The following SLIT2 variants were observed in gnomAD, a reference collection of about 807,000 sequenced individuals.
SLIT2 encodes the protein slit guidance ligand 2.
A neutral mutation model predicts 185.7 loss-of-function variants in SLIT2; 41 were observed. The observed-to-expected ratio is 0.22, with a 90% CI of 0.17 to 0.29. The LOEUF is 0.29. Ranked by LOEUF, SLIT2 falls within the 10% of genes least tolerant of loss-of-function variation. The pLI is 1.00. For missense variants in SLIT2, 1,571 were observed against 1,909.0 expected, an observed-to-expected ratio of 0.82 and a Z score of 3.30; for synonymous variants, 693 against 680.2, an observed-to-expected ratio of 1.02 and a Z score of -0.29.
intron 29 of SLIT2, among the ~76,000 whole-genome samples, chr4:20,570,731 G>GTATATATATATATA (rs55841917): frequency 7.2e-5 from 9 of 125,542 alleles, no homozygotes; most frequent in African/African-American, 8.9e-5. Flanking sequence ...ATATATATAT[G>GTATATATATATATA]TATATATATA....
chr4:20,518,286 T>C (rs1720445145), intron 11 of SLIT2, among the ~76,000 whole-genome samples: 1 of 139,336 alleles, frequency 7.2e-6, no homozygotes. Flanking sequence ...AGAGTCTCGC[T>C]CTGTCGCCCA....
At position 20,524,190 on chromosome 4, in the gene SLIT2, C is replaced by G. The variant is rs184108074; in HGVS notation, c.1438+13C>G. 1.2e-5 allele frequency: 20 copies of G among 1,612,918 alleles called. No homozygotes were observed. The highest frequency in any genetic ancestry group is 1.7e-5 in the Admixed American group (1 of 59,956). Reference sequence around the variant, plus strand: ...TTCCGTTGTTCAGGTAATTTCTTCACGTGTTATTTCCCCTGTGACCAACAA... The same window carrying G: ...TTCCGTTGTTCAGGTAATTTCTTCAGGTGTTATTTCCCCTGTGACCAACAA... On this transcript the variant is annotated intron_variant, in intron 14 of 36. Coordinates refer to ENST00000504154, the MANE Select transcript of SLIT2 (RefSeq NM_004787.4).
Position 20,254,338 on chromosome 4 carries a change from G to A in SLIT2, c.179+344G>A, listed in dbSNP as rs1711528468. 6.6e-6 allele frequency among the ~76,000 whole-genome samples: 1 copy of A among 152,204 alleles called. No individual in the cohort carries two copies. Among genetic ancestry groups the A allele is most frequent in the Non-Finnish European group, 1.5e-5 (1 of 68,044 alleles). On this transcript the variant is annotated intron_variant, in intron 1 of 36. Coordinates refer to ENST00000504154, the MANE Select transcript of SLIT2 (RefSeq NM_004787.4). This position sits in a 1 kb window ranked among gnomAD's most constrained non-coding sequence, Gnocchi z 5.1. ...AAGTGAGACGCCACTTTGTTCTCCAGAGTCCATAAACGGAGTCACCTTGCG... is the reference window on the plus strand; with the variant it reads ...AAGTGAGACGCCACTTTGTTCTCCAAAGTCCATAAACGGAGTCACCTTGCG...
At chr4:20,382,641 C>T (rs6836592) in intron 4 of SLIT2, among the ~76,000 whole-genome samples, 32,732 of 151,810 alleles carry the variant, frequency 0.22, 3,820 homozygotes, top group Non-Finnish European at 0.28. Context: ...AGCATTGCTG[C>T]GAAAGGTTAG....
At position 20,613,581 on chromosome 4, in the gene SLIT2, A is replaced by C. The variant is rs549177234; in HGVS notation, c.3848-3329A>C. Among the ~76,000 whole-genome samples, 331 of 152,250 alleles carry C rather than the reference A, an allele frequency of 2.2e-3. 3 individuals are homozygous for C. The highest frequency in any genetic ancestry group is 7.7e-3 in the African/African-American group (321 of 41,544). ...ATTAAGCTTAATTCCTGGGTGCTGA[A>C]ATAGTCCGTACAACAAACCCCTCGT... is the stretch of plus-strand genomic sequence containing the variant. On this transcript the variant is annotated intron_variant, in intron 34 of 36. Coordinates refer to ENST00000504154, the MANE Select transcript of SLIT2 (RefSeq NM_004787.4).
chr4:20,593,436 T>C (rs958868173), intron 30 of SLIT2, among the ~76,000 whole-genome samples: 5 of 152,032 alleles, frequency 3.3e-5, no homozygotes, highest in Non-Finnish European at 5.9e-5. Context: ...GTCAAACTTA[T>C]AGAAAAAGAG....
chr4:20,469,751 C>CTTT lies in SLIT2; in HGVS notation c.467+1948_467+1950dup, dbSNP rs33912349. ...CAGCTTCATTAAGCCTTAGTTTTTA[C>CTTT]TTTTTTTTTTTTTTTTTTTTTTGAG... On this transcript the variant is annotated intron_variant, in intron 5 of 36. Transcript: ENST00000504154. Among the ~76,000 whole-genome samples the CTTT allele has an allele frequency of 4.0e-3, 364 of 90,726 alleles. 1 individual carries two copies. Among genetic ancestry groups the CTTT allele is most frequent in the Non-Finnish European group, 5.4e-3 (264 of 48,564 alleles). 59.5% of individuals were successfully genotyped at this position (90,726 alleles called of 152,430 possible). A position where few individuals can be genotyped will look rare whatever the true frequency, so the allele number is the denominator to read the frequency against.
intron 4 of SLIT2, among the ~76,000 whole-genome samples, chr4:20,347,377 C>CT (rs948757830): frequency 5.9e-5 from 9 of 151,998 alleles, no homozygotes; most frequent in Admixed American, 4.6e-4. Context: ...AGACTGAATT[C>CT]TTTTTTTTAT....
At chr4:20,412,375 A>G (rs1194052930) in intron 4 of SLIT2, among the ~76,000 whole-genome samples, 1 of 152,200 alleles carries the variant, frequency 6.6e-6, no homozygotes, top group Non-Finnish European at 1.5e-5. Context: ...AGTGTAGTTT[A>G]GTGTAAATTA....
chr4:20,371,613 T>C lies in SLIT2; in HGVS notation c.396-96139T>C, dbSNP rs75044073. On this transcript the variant is annotated intron_variant, in intron 4 of 36. Transcript: ENST00000504154. ...CAGGCTTCCTGTGCCTAAGTTCCCA[T>C]TGCAGCTCATGCAGACTGCATTTTG... Among the ~76,000 whole-genome samples the C allele has an allele frequency of 2.5e-4, 38 of 152,180 alleles. No individual in the cohort carries two copies. The East Asian group carries it at 7.2e-3, about 29-fold the overall frequency.
intron 4 of SLIT2, among the ~76,000 whole-genome samples, chr4:20,338,957 G>A (rs902359470): frequency 6.6e-6 from 1 of 151,920 alleles, no homozygotes; most frequent in East Asian, 1.9e-4. Context: ...GGTAGGCATG[G>A]TGGCGTGTGC....
intron 4 of SLIT2, among the ~76,000 whole-genome samples, chr4:20,280,201 C>T (rs546762670): frequency 7.9e-5 from 12 of 151,822 alleles, no homozygotes; most frequent in South Asian, 4.2e-4. Context: ...GGCGTGGTGG[C>T]GGGCGCCTGT....
rs555394897 is a variant in SLIT2 at position 20,449,128 on chromosome 4, C to T, written c.396-18624C>T. Among the ~76,000 whole-genome samples the T allele has an allele frequency of 5.3e-4, 81 of 152,092 alleles. No homozygotes were observed. The South Asian group carries it at 0.015, about 27-fold the overall frequency. The stretch of plus-strand genomic sequence containing the variant: ...TAATTATACTACTACCAATTAAAAA[C>T]AATTAAATCAATTGTTTTCAATTAA... On this transcript the variant is annotated intron_variant, in intron 4 of 36. Coordinates refer to ENST00000504154, the MANE Select transcript of SLIT2 (RefSeq NM_004787.4).
At chr4:20,344,292 A>T (rs1270810885) in intron 4 of SLIT2, among the ~76,000 whole-genome samples, 4 of 152,306 alleles carry the variant, frequency 2.6e-5, no homozygotes, top group Non-Finnish European at 5.9e-5. Flanking sequence ...AAGTGCTATA[A>T]AGAGAAAATG....
intron 11 of SLIT2, among the ~76,000 whole-genome samples, chr4:20,511,588 T>TTTTTTTTTTTTATTTA (rs1577821929): frequency 2.0e-5 from 1 of 50,484 alleles, no homozygotes; most frequent in East Asian, 1.1e-3. Flanking sequence ...ATCCAGCTAA[T>TTTTTTTTTTTTATTTA]TTTTTTTTTT....
chr4:20,412,278 C>G (rs1031225134), intron 4 of SLIT2, among the ~76,000 whole-genome samples: 2 of 149,120 alleles, frequency 1.3e-5, no homozygotes, highest in Non-Finnish European at 3.0e-5. Flanking sequence ...ACTCTTGATT[C>G]TCACCTCTAC....
chr4:20,355,322 G>A (rs1722231292), intron 4 of SLIT2, among the ~76,000 whole-genome samples: 2 of 152,072 alleles, frequency 1.3e-5, no homozygotes, highest in South Asian at 4.1e-4. Context: ...TTCTATTACT[G>A]CAGAGCCATT....
intron 4 of SLIT2, among the ~76,000 whole-genome samples, chr4:20,366,859 A>G (rs939504736): frequency 6.6e-6 from 1 of 152,014 alleles, no homozygotes; most frequent in Non-Finnish European, 1.5e-5. Flanking sequence ...GTGCAGTGCT[A>G]TGATCGCAGC....
intron 5 of SLIT2, among the ~76,000 whole-genome samples, chr4:20,472,276 CTATATATATAGATATATAGATA>C (rs1560452670): frequency 9.2e-5 from 2 of 21,664 alleles, no homozygotes; most frequent in African/African-American, 5.6e-4. Context: ...AGATATATAT[CTATATATATAGATATATAGATA>C]TATAGATCTA....
Sources: allele counts gnomAD v4.1 joint callset (sites outside exome capture counted in the v4.1 genomes callset), GRCh38; gene constraint gnomAD v4.1.1; non-coding constraint Gnocchi (gnomAD v3.1); transcripts MANE v1.5; gene names NCBI Gene and HGNC (gene_info 2026-07-23, HGNC 2026-07-21).